The following EXOC4 variants were observed in gnomAD, a reference collection of about 807,000 sequenced individuals.
EXOC4 encodes exocyst complex component 4.
Under a neutral mutation model 107.2 loss-of-function variants are expected in EXOC4, and 71 were observed. That is an observed-to-expected ratio of 0.66 (90% CI 0.55 to 0.81). EXOC4 has a LOEUF of 0.81. Among genes scored for constraint, EXOC4 ranks in the 30% least tolerant of loss-of-function variants. The pLI, the probability that EXOC4 is intolerant of heterozygous loss-of-function variation, is 0.00. For synonymous variants in EXOC4, 456 were observed against 441.2 expected (o/e 1.03, Z -0.42); for missense variants, 1,108 against 1,189.6 (o/e 0.93, Z 1.01).
At chr7:133,549,822 C>T (rs1000059291) in intron 9 of EXOC4, among the ~76,000 whole-genome samples, 3 of 152,140 alleles carry the variant, frequency 2.0e-5, no homozygotes, top group Non-Finnish European at 4.4e-5. Context: ...GACTTTAAGC[C>T]TAGATTTCCA....
chr7:133,858,306 G>A (rs1029367591), intron 11 of EXOC4, among the ~76,000 whole-genome samples: 2 of 152,186 alleles, frequency 1.3e-5, no homozygotes, highest in Non-Finnish European at 2.9e-5. Flanking sequence ...GCTACTACCT[G>A]CAGACGGGCA....
chr7:133,579,130 G>C (rs1801195975), intron 9 of EXOC4, among the ~76,000 whole-genome samples: 1 of 152,064 alleles, frequency 6.6e-6, no homozygotes, highest in Non-Finnish European at 1.5e-5. Context: ...AAATGACTAT[G>C]AATATTCATG....
In EXOC4 at chr7:133,818,610, G is replaced by A. The variant is rs560207263; in HGVS notation, c.1734+1066G>A. Among the ~76,000 whole-genome samples, 17 of 152,276 alleles carry A rather than the reference G, an allele frequency of 1.1e-4. No homozygotes were observed. In the South Asian group the frequency reaches 2.5e-3, roughly 22 times the overall value. On this transcript the variant is annotated intron_variant, in intron 11 of 17. Coordinates refer to ENST00000253861, the MANE Select transcript of EXOC4 (RefSeq NM_021807.4). ...TGGTCTGGGTCTCTGTTAGCCATGT[G>A]CCTGGTGAGGGATCTGTACTGAGTG... is the stretch of plus-strand genomic sequence containing the variant.
intron 7 of EXOC4, among the ~76,000 whole-genome samples, chr7:133,427,601 G>A (rs1321334498): frequency 6.6e-6 from 1 of 152,208 alleles, no homozygotes; most frequent in Non-Finnish European, 1.5e-5. Flanking sequence ...CCATCTACAA[G>A]TGCGTTGGGG....
chr7:134,012,809 G>C (rs891189641), intron 17 of EXOC4, among the ~76,000 whole-genome samples: 1 of 152,202 alleles, frequency 6.6e-6, no homozygotes, highest in Non-Finnish European at 1.5e-5. Flanking sequence ...TGCTAGCGAA[G>C]AACCAGCAGA....
chr7:133,533,523 C>T (rs1184820475), intron 9 of EXOC4, among the ~76,000 whole-genome samples: 1 of 152,002 alleles, frequency 6.6e-6, no homozygotes, highest in Non-Finnish European at 1.5e-5. Flanking sequence ...TTAACAGAGG[C>T]AGAATATATT....
At chr7:133,712,034 A>G (rs573202493) in intron 10 of EXOC4, among the ~76,000 whole-genome samples, 55 of 152,338 alleles carry the variant, frequency 3.6e-4, no homozygotes, top group African/African-American at 1.2e-3. Context: ...AGTATTAAGA[A>G]TTAGAGGCTT....
chr7:133,864,257 G>A (rs1486455199), intron 11 of EXOC4, among the ~76,000 whole-genome samples: 1 of 152,162 alleles, frequency 6.6e-6, no homozygotes, highest in Non-Finnish European at 1.5e-5. Flanking sequence ...TGTGTATCAT[G>A]TGTACAACAA....
intron 10 of EXOC4, among the ~76,000 whole-genome samples, chr7:133,678,650 G>T (rs1343650011): frequency 6.7e-6 from 1 of 149,300 alleles, no homozygotes; most frequent in Non-Finnish European, 1.5e-5. Flanking sequence ...TTGCTGTGTT[G>T]CCCAGGCTGG....
intron 17 of EXOC4, among the ~76,000 whole-genome samples, chr7:134,061,659 G>T (rs528270472): frequency 6.6e-6 from 1 of 152,036 alleles, no homozygotes; most frequent in Admixed American, 6.5e-5. Flanking sequence ...AGCTCTTCTT[G>T]GGCAATTTTA....
intron 10 of EXOC4, among the ~76,000 whole-genome samples, chr7:133,641,190 G>T (rs1802846070): frequency 6.6e-6 from 1 of 152,140 alleles, no homozygotes; most frequent in Non-Finnish European, 1.5e-5. Context: ...GTTGTAGTGA[G>T]TTGGGAATTT....
chr7:133,581,662 G>A (rs1281280088), intron 9 of EXOC4, among the ~76,000 whole-genome samples: 3 of 150,558 alleles, frequency 2.0e-5, no homozygotes, highest in Admixed American at 2.0e-4. Context: ...GGAGGCTGAG[G>A]CAGGAGAATG....
intron 9 of EXOC4, among the ~76,000 whole-genome samples, chr7:133,529,667 T>G (rs1432063262): frequency 6.6e-6 from 1 of 152,222 alleles, no homozygotes; most frequent in East Asian, 1.9e-4. Context: ...AACCTGTTGC[T>G]GAGTTATGTA....
At chr7:133,552,456 T>A (rs1800608995) in intron 9 of EXOC4, among the ~76,000 whole-genome samples, 1 of 152,208 alleles carries the variant, frequency 6.6e-6, no homozygotes, top group Non-Finnish European at 1.5e-5. Context: ...ACTGCAGGTG[T>A]TTTATTAATA....
chr7:133,265,763 C>T (rs971296383), intron 1 of EXOC4, among the ~76,000 whole-genome samples: 1 of 152,052 alleles, frequency 6.6e-6, no homozygotes, highest in Non-Finnish European at 1.5e-5. Flanking sequence ...ACAATTAAGC[C>T]GATTAACTGT....
At position 134,007,015 on chromosome 7, in the gene EXOC4, C is replaced by T. The variant is rs555147639; in HGVS notation, c.2528-661C>T. Among the ~76,000 whole-genome samples the T allele has an allele frequency of 8.5e-5, 13 of 152,258 alleles. No individual in the cohort carries two copies. In the East Asian group the frequency reaches 2.3e-3, roughly 27 times the overall value. On this transcript the variant is annotated intron_variant, in intron 16 of 17. Coordinates refer to ENST00000253861, the MANE Select transcript of EXOC4 (RefSeq NM_021807.4). ...CCCCAAAATGTCCACAGGTGTCTCA[C>T]GGGAAGTCAACAGTTAATGTATGAT...
At chr7:133,312,494 A>G (rs1794897348) in intron 4 of EXOC4, among the ~76,000 whole-genome samples, 1 of 152,176 alleles carries the variant, frequency 6.6e-6, no homozygotes. Context: ...TGTGTACATC[A>G]TGAGCATGTT....
chr7:133,843,463 C>A (rs545880470), intron 11 of EXOC4, among the ~76,000 whole-genome samples: 108 of 152,198 alleles, frequency 7.1e-4, no homozygotes, highest in African/African-American at 2.5e-3. Context: ...ATTTGGCTGT[C>A]ACCTTGGATG....
At position 133,942,697 on chromosome 7, in the gene EXOC4, G is replaced by A. The variant is rs933777873; in HGVS notation, c.2206+4628G>A. ...GTCAGTTAGAGCCACTAATTGGACC[G>A]TTCATGCCGTATTCCTATTAAACCA... On this transcript the variant is annotated intron_variant, in intron 14 of 17. Transcript: ENST00000253861. Among the ~76,000 whole-genome samples the A allele has an allele frequency of 4.6e-5, 7 of 152,054 alleles. No homozygotes were observed. The South Asian group carries it at 6.2e-4, about 14-fold the overall frequency.
Sources: gnomAD v4.1 joint callset for allele counts (sites outside exome capture counted in the v4.1 genomes callset) on GRCh38, gnomAD v4.1.1 for gene constraint, MANE v1.5 for transcripts, NCBI Gene and HGNC (gene_info 2026-07-23, HGNC 2026-07-21) for gene names.